KCNAB1: variants seen among roughly 807,000 people sequenced by gnomAD.
The protein encoded by KCNAB1 is voltage-gated potassium channel subunit beta-1.
In KCNAB1, 35 loss-of-function variants were observed where a neutral mutation model predicts 64.6. The ratio of observed to expected loss-of-function variants is 0.54; its 90% confidence interval spans 0.41 to 0.72. The LOEUF is 0.72. KCNAB1 is among the 30% of genes least tolerant of loss of function. The pLI is 0.00. For synonymous variants in KCNAB1, 177 were observed against 183.8 expected, an observed-to-expected ratio of 0.96 and a Z score of 0.30; for missense variants, 401 against 512.9, an observed-to-expected ratio of 0.78 and a Z score of 2.11.
chr3:156,165,860 T>C (rs1032473836), intron 1 of KCNAB1, among the ~76,000 whole-genome samples: 2 of 152,200 alleles, frequency 1.3e-5, no homozygotes, highest in Non-Finnish European at 2.9e-5. Context: ...TGAATCTCCT[T>C]GAATTGGGGA....
chr3:156,478,690 G>A (rs1714560613), intron 8 of KCNAB1, among the ~76,000 whole-genome samples: 2 of 152,154 alleles, frequency 1.3e-5, no homozygotes, highest in South Asian at 4.1e-4. Flanking sequence ...TTTCTACCAT[G>A]AAATGATGTT....
chr3:156,163,097 G>A (rs879413332), intron 1 of KCNAB1, among the ~76,000 whole-genome samples: 21 of 152,270 alleles, frequency 1.4e-4, no homozygotes, highest in South Asian at 2.1e-4. Context: ...CTATATGGTA[G>A]CCACTAGTCA....
intron 1 of KCNAB1, among the ~76,000 whole-genome samples, chr3:156,185,357 T>C (rs1713117318): frequency 6.6e-6 from 1 of 152,202 alleles, no homozygotes; most frequent in Admixed American, 6.5e-5. Flanking sequence ...CTCCAAATTA[T>C]CAACAATTTC....
At chr3:156,376,986 A>T (rs1333193832) in intron 1 of KCNAB1, among the ~76,000 whole-genome samples, 1 of 152,162 alleles carries the variant, frequency 6.6e-6, no homozygotes, top group Admixed American at 6.5e-5. Flanking sequence ...AGCAAAAAAA[A>T]AGTAAAATAA....
At chr3:156,119,306 G>C (rs1358275511), upstream of KCNAB1, among the ~76,000 whole-genome samples, 2 of 152,176 alleles carry the variant, frequency 1.3e-5, no homozygotes, top group Admixed American at 6.5e-5. Context: ...TGTGACCGAG[G>C]TGACCACATT....
At chr3:156,349,997 CTT>C (rs1326734469) in intron 1 of KCNAB1, among the ~76,000 whole-genome samples, 1 of 152,164 alleles carries the variant, frequency 6.6e-6, no homozygotes, top group Non-Finnish European at 1.5e-5. Flanking sequence ...TAGGACAGAT[CTT>C]TTCAAATTTT....
intron 1 of KCNAB1, among the ~76,000 whole-genome samples, chr3:156,216,150 C>T (rs574032896): frequency 5.9e-5 from 9 of 152,228 alleles, no homozygotes; most frequent in African/African-American, 1.2e-4. Flanking sequence ...TTAGGCAATA[C>T]GTTAATGAAA....
chr3:156,534,545 C>CA (rs1207230673), intron 13 of KCNAB1, among the ~76,000 whole-genome samples: 1 of 152,190 alleles, frequency 6.6e-6, no homozygotes, highest in African/African-American at 2.4e-5. Flanking sequence ...CTCCCCACCA[C>CA]ACCTTCCTGG....
chr3:156,244,015 C>T (rs1382312242), intron 1 of KCNAB1, among the ~76,000 whole-genome samples: 1 of 152,218 alleles, frequency 6.6e-6, no homozygotes, highest in African/African-American at 2.4e-5. Flanking sequence ...GGCCAAACAT[C>T]CAGTCTTTCT....
chr3:156,180,998 T>C lies in KCNAB1; in HGVS notation c.275+60112T>C, dbSNP rs1458238214. 2.0e-5 allele frequency among the ~76,000 whole-genome samples: 3 copies of C among 152,190 alleles called. No homozygotes were observed. In the East Asian group the frequency reaches 5.8e-4, roughly 29 times the overall value. On this transcript the variant is annotated intron_variant, in intron 1 of 13. Transcript: ENST00000490337. ...GGGTAGGGTTCTCCTGAGGCCTCTCTCCTTGGCTTACAGAGAGCTGCCTTC... is the reference window on the plus strand; with the variant it reads ...GGGTAGGGTTCTCCTGAGGCCTCTCCCCTTGGCTTACAGAGAGCTGCCTTC...
At chr3:156,296,955 A>T (rs767486404) in intron 1 of KCNAB1, among the ~76,000 whole-genome samples, 1 of 152,202 alleles carries the variant, frequency 6.6e-6, no homozygotes. Context: ...TTGATGATCC[A>T]TATGGTTTGG....
intron 1 of KCNAB1, among the ~76,000 whole-genome samples, chr3:156,209,306 TG>T (rs1403435376): frequency 6.6e-6 from 1 of 152,222 alleles, no homozygotes; most frequent in African/African-American, 2.4e-5. Context: ...AAAGGTACTA[TG>T]GCAGGGAAAC....
rs1225270304 is a variant in KCNAB1 at position 156,196,994 on chromosome 3, G to A, written c.275+76108G>A. Among the ~76,000 whole-genome samples, 4 of 152,114 alleles carry A rather than the reference G, an allele frequency of 2.6e-5. No individual in the cohort carries two copies. The East Asian group carries it at 7.7e-4, about 29-fold the overall frequency. The stretch of plus-strand genomic sequence containing the variant: ...ACATTCCATCAATACCTAGTTTATT[G>A]ACAGTTTTTAGCATGAATTGCTGTT... On this transcript the variant is annotated intron_variant, in intron 1 of 13. Coordinates refer to ENST00000490337, the MANE Select transcript of KCNAB1 (RefSeq NM_172160.3).
intron 1 of KCNAB1, among the ~76,000 whole-genome samples, chr3:156,313,078 A>T (rs188396967): frequency 1.5e-3 from 229 of 152,318 alleles, no homozygotes; most frequent in Non-Finnish European, 1.6e-3. Context: ...CGATGGTCTT[A>T]TACTTCCACA....
At chr3:156,138,512 C>T (rs998587469) in intron 1 of KCNAB1, among the ~76,000 whole-genome samples, 1 of 152,238 alleles carries the variant, frequency 6.6e-6, no homozygotes, top group East Asian at 1.9e-4. Flanking sequence ...ATACAGTGTT[C>T]AACAAATCAC....
rs144162234 is a variant in KCNAB1 at position 156,314,970 on chromosome 3, C to T, written c.276-106646C>T. Among the ~76,000 whole-genome samples the T allele has an allele frequency of 6.0e-3, 911 of 152,070 alleles. 6 individuals are homozygous for T. Among genetic ancestry groups the T allele is most frequent in the Non-Finnish European group, 9.1e-3 (619 of 67,982 alleles). On this transcript the variant is annotated intron_variant, in intron 1 of 13. Coordinates refer to ENST00000490337, the MANE Select transcript of KCNAB1 (RefSeq NM_172160.3). ...TGGAGGTTGCAGTGAGCCGAGATTGCGCAACTGCACTCCAACCTGGGTGAC... is the reference window on the plus strand; with the variant it reads ...TGGAGGTTGCAGTGAGCCGAGATTGTGCAACTGCACTCCAACCTGGGTGAC...
chr3:156,301,605 A>G (rs1435763279), intron 1 of KCNAB1, among the ~76,000 whole-genome samples: 1 of 152,194 alleles, frequency 6.6e-6, no homozygotes, highest in Non-Finnish European at 1.5e-5. Context: ...CTAACATACA[A>G]CGTCTCACTC....
chr3:156,142,750 T>C (rs919993281), intron 1 of KCNAB1, among the ~76,000 whole-genome samples: 4 of 152,228 alleles, frequency 2.6e-5, no homozygotes, highest in African/African-American at 9.6e-5. Context: ...GAAGTCTCAT[T>C]ACATACTCAT....
intron 1 of KCNAB1, chr3:156,291,742 G>A (rs968659114): frequency 1.2e-5 from 18 of 1,453,762 alleles, no homozygotes; most frequent in Non-Finnish European, 1.5e-5. Context: ...GCCACTTTGT[G>A]GGCTTGGCTC....
Sources: allele counts gnomAD v4.1 joint callset (sites outside exome capture counted in the v4.1 genomes callset), GRCh38; gene constraint gnomAD v4.1.1; transcripts MANE v1.5; gene names NCBI Gene and HGNC (gene_info 2026-07-23, HGNC 2026-07-21).